Variants in RBMS3 observed in about 807,000 individuals in gnomAD.
RBMS3 encodes RNA-binding motif, single-stranded-interacting protein 3.
RBMS3 carries 27 observed loss-of-function variants against 66.8 expected under a neutral mutation model. That is an observed-to-expected ratio of 0.40 (90% CI 0.30 to 0.56). The LOEUF is 0.56. RBMS3 is among the 20% of genes least tolerant of loss of function. The probability of loss-of-function intolerance (pLI) is 0.40; values close to 1 mark genes in which losing one functional copy is unlikely to be tolerated. For missense variants in RBMS3, 513 were observed against 549.5 expected, an observed-to-expected ratio of 0.93 and a Z score of 0.66; for synonymous variants, 188 against 183.0, an observed-to-expected ratio of 1.03 and a Z score of -0.22.
chr3:29,673,855 A>G (rs948775288), intron 4 of RBMS3, among the ~76,000 whole-genome samples: 8 of 152,216 alleles, frequency 5.3e-5, no homozygotes. Flanking sequence ...TCGTTCTGAA[A>G]CTATACCAAT....
At chr3:29,977,747 T>C (rs945472808) in intron 12 of RBMS3, among the ~76,000 whole-genome samples, 13 of 152,176 alleles carry the variant, frequency 8.5e-5, no homozygotes, top group African/African-American at 3.1e-4. Flanking sequence ...CTGCTACTTA[T>C]AGCATTGGTG....
At chr3:29,316,935 G>C (rs1393236914) in intron 1 of RBMS3, among the ~76,000 whole-genome samples, 1 of 151,638 alleles carries the variant, frequency 6.6e-6, no homozygotes, top group Non-Finnish European at 1.5e-5. Context: ...ATGAATACTG[G>C]AGATATTGAC....
chr3:29,331,815 C>CTTTTTTTTTTTTTTTT (rs11354452), intron 1 of RBMS3, among the ~76,000 whole-genome samples: 4 of 69,710 alleles, frequency 5.7e-5, no homozygotes, highest in Non-Finnish European at 7.4e-5. Flanking sequence ...AGGATAGCTC[C>CTTTTTTTTTTTTTTTT]TTTTTTTTTT....
chr3:29,357,404 T>C (rs1257033398), intron 1 of RBMS3, among the ~76,000 whole-genome samples: 2 of 152,194 alleles, frequency 1.3e-5, no homozygotes, highest in Non-Finnish European at 2.9e-5. Context: ...CAGCAAAGTA[T>C]TCCATGGTGT....
chr3:29,625,989 C>T (rs546839277), intron 4 of RBMS3, among the ~76,000 whole-genome samples: 1 of 152,210 alleles, frequency 6.6e-6, no homozygotes. Flanking sequence ...CAGAATATGA[C>T]TCAATTACTA....
intron 10 of RBMS3, among the ~76,000 whole-genome samples, chr3:29,910,531 T>G (rs2060489201): frequency 6.6e-6 from 1 of 152,144 alleles, no homozygotes; most frequent in Admixed American, 6.6e-5. Context: ...TTTGATTTCT[T>G]ACTGCTCAGT....
At chr3:29,931,959 T>C (rs2061140308) in intron 10 of RBMS3, among the ~76,000 whole-genome samples, 1 of 152,168 alleles carries the variant, frequency 6.6e-6, no homozygotes. Context: ...ATCACAGACA[T>C]TTTGACTTGA....
At chr3:29,911,223 G>C (rs2060505280) in intron 10 of RBMS3, among the ~76,000 whole-genome samples, 1 of 151,976 alleles carries the variant, frequency 6.6e-6, no homozygotes, top group South Asian at 2.1e-4. Context: ...AGGGTGCTCT[G>C]AGCAAAGTGA....
At chr3:29,558,728 G>T (rs1319083739) in intron 3 of RBMS3, among the ~76,000 whole-genome samples, 8 of 152,078 alleles carry the variant, frequency 5.3e-5, no homozygotes. Flanking sequence ...TTATGTAAAG[G>T]TATAAGCATC....
Position 29,911,978 on chromosome 3 carries a change from A to AATAGATAG in RBMS3, c.939+12227_939+12228insATAGATAG, listed in dbSNP as rs112979723. Among the ~76,000 whole-genome samples, 486 of 149,906 alleles carry AATAGATAG rather than the reference A, an allele frequency of 3.2e-3. 3 individuals are homozygous for AATAGATAG. The highest frequency in any genetic ancestry group is 0.012 in the African/African-American group (465 of 39,654). The stretch of plus-strand genomic sequence containing the variant: ...TAGAAAAATGGAGAAACACATACAT[A>AATAGATAG]ATAGCTAGATAGATAGATAGATAGA... On this transcript the variant is annotated intron_variant, in intron 10 of 14. Transcript: ENST00000383767.
intron 1 of RBMS3, among the ~76,000 whole-genome samples, chr3:29,334,809 C>T (rs2035855901): frequency 6.6e-6 from 1 of 152,118 alleles, no homozygotes; most frequent in Non-Finnish European, 1.5e-5. Flanking sequence ...AAGCTCACCA[C>T]ATTTGTCATG....
intron 1 of RBMS3, among the ~76,000 whole-genome samples, chr3:29,368,342 G>A (rs1287177604): frequency 3.3e-5 from 5 of 152,126 alleles, no homozygotes; most frequent in African/African-American, 7.2e-5. Context: ...TTACTGAGAT[G>A]TGGAAGGCTG....
intron 10 of RBMS3, among the ~76,000 whole-genome samples, chr3:29,914,441 A>T (rs79995521): frequency 0.01 from 1,541 of 151,984 alleles, 22 homozygotes; most frequent in African/African-American, 0.036. Context: ...GAGAGAATAG[A>T]TGAGATTTCT....
At chr3:29,730,409 G>A (rs2054081254) in intron 4 of RBMS3, among the ~76,000 whole-genome samples, 1 of 152,078 alleles carries the variant, frequency 6.6e-6, no homozygotes, top group South Asian at 2.1e-4. Flanking sequence ...GTTTTTGTAT[G>A]TTTACCAAAG....
intron 1 of RBMS3, among the ~76,000 whole-genome samples, chr3:29,324,465 C>T (rs889726329): frequency 1.3e-5 from 2 of 152,158 alleles, no homozygotes; most frequent in Non-Finnish European, 2.9e-5. Context: ...ACGTGGCCTC[C>T]GCCTGGATGA....
At chr3:29,418,302 C>T (rs932400172) in intron 1 of RBMS3, among the ~76,000 whole-genome samples, 22 of 152,174 alleles carry the variant, frequency 1.4e-4, no homozygotes, top group African/African-American at 5.3e-4. Context: ...TGTCATTGCG[C>T]AAAATTGTAA....
intron 1 of RBMS3, among the ~76,000 whole-genome samples, chr3:29,347,137 G>C (rs981686105): frequency 6.6e-6 from 1 of 152,194 alleles, no homozygotes; most frequent in Non-Finnish European, 1.5e-5. Context: ...AGGCTGATGA[G>C]AGAGACAAAT....
intron 8 of RBMS3, among the ~76,000 whole-genome samples, chr3:29,888,480 A>G (rs1418379272): frequency 1.3e-5 from 2 of 151,618 alleles, no homozygotes; most frequent in East Asian, 3.9e-4. Flanking sequence ...ACCCACTTTT[A>G]CTAATCTTAC....
chr3:29,744,550 A>G (rs1039460822), intron 5 of RBMS3, among the ~76,000 whole-genome samples: 3 of 152,142 alleles, frequency 2.0e-5, no homozygotes, highest in Non-Finnish European at 4.4e-5. Context: ...TTGGGAGGCC[A>G]AGGCAGGCAG....
Sources: allele counts gnomAD v4.1 joint callset (sites outside exome capture counted in the v4.1 genomes callset), GRCh38; gene constraint gnomAD v4.1.1; transcripts MANE v1.5; gene names NCBI Gene and HGNC (gene_info 2026-07-23, HGNC 2026-07-21).